The following PPP2R2C variants were observed in gnomAD, a reference collection of about 807,000 sequenced individuals.
PPP2R2C encodes the protein protein phosphatase 2 regulatory subunit Bgamma.
A neutral mutation model predicts 45.3 loss-of-function variants in PPP2R2C; 10 were observed. The ratio of observed to expected loss-of-function variants is 0.22; its 90% confidence interval spans 0.14 to 0.37. PPP2R2C has a LOEUF of 0.37. PPP2R2C is among the 10% of genes least tolerant of loss of function. The pLI is 1.00. For missense variants in PPP2R2C, 308 were observed against 619.7 expected (o/e 0.50, Z 5.34); for synonymous variants, 257 against 245.4 (o/e 1.05, Z -0.44).
chr4:6,468,824 A>G (rs933771379), intron 1 of PPP2R2C, among the ~76,000 whole-genome samples: 44 of 152,038 alleles, frequency 2.9e-4, no homozygotes, highest in African/African-American at 1.0e-3. Flanking sequence ...GAAAGAACAG[A>G]GCCAGGAAGA....
intron 1 of PPP2R2C, among the ~76,000 whole-genome samples, chr4:6,417,297 T>A (rs1243199999): frequency 6.6e-6 from 1 of 152,224 alleles, no homozygotes. Context: ...CCAGGCCCCA[T>A]CCACGGGATT....
intron 1 of PPP2R2C, among the ~76,000 whole-genome samples, chr4:6,536,132 A>G (rs1397953877): frequency 1.3e-5 from 2 of 152,052 alleles, no homozygotes; most frequent in Non-Finnish European, 2.9e-5. Context: ...GTAAATTATC[A>G]ACAGACACTG....
intron 1 of PPP2R2C, among the ~76,000 whole-genome samples, chr4:6,422,571 A>G (rs1719047941): frequency 6.6e-6 from 1 of 152,340 alleles, no homozygotes; most frequent in Non-Finnish European, 1.5e-5. Flanking sequence ...TCCAAGATCA[A>G]GGTGTCAGCA....
chr4:6,472,604 C>T lies in PPP2R2C; in HGVS notation c.-375G>A, dbSNP rs1034330525. ...TGCGCTGCGCCGACCAAGCCGGGGC[C>T]GAGCCGGGCTGCGCGGGCTGGGGCC... is the stretch of plus-strand genomic sequence containing the variant. On this transcript the variant is annotated 5_prime_UTR_variant, in exon 1 of 9. Coordinates refer to ENST00000382599, the MANE Select transcript of PPP2R2C (RefSeq NM_020416.4). 6.8e-6 allele frequency among the ~76,000 whole-genome samples: 1 copy of T among 146,408 alleles called. No homozygotes were observed. Among genetic ancestry groups the T allele is most frequent in the African/African-American group, 2.4e-5 (1 of 40,834 alleles).
chr4:6,446,512 C>T (rs147649136), intron 1 of PPP2R2C, among the ~76,000 whole-genome samples: 472 of 152,294 alleles, frequency 3.1e-3, no homozygotes, highest in African/African-American at 0.011. Flanking sequence ...AGATGAATAT[C>T]ACTCTTCTCA....
intron 1 of PPP2R2C, 162 bp from the exon 2 acceptor site, chr4:6,381,256 G>C: frequency 1.3e-6 from 2 of 1,534,110 alleles, no homozygotes; most frequent in Non-Finnish European, 1.7e-6. Flanking sequence ...ATCGGCGAGG[G>C]GCCACCAACC....
intron 1 of PPP2R2C, among the ~76,000 whole-genome samples, chr4:6,453,751 G>A (rs532331036): frequency 1.3e-5 from 2 of 152,320 alleles, no homozygotes; most frequent in East Asian, 3.9e-4. Context: ...ATTCAGCCCA[G>A]CTCACCTGTT....
rs529512926 is a variant in PPP2R2C at position 6,367,708 on chromosome 4, G to C, written c.625+4815C>G. 7.9e-5 allele frequency among the ~76,000 whole-genome samples: 12 copies of C among 152,292 alleles called. 1 individual carries two copies. The highest frequency in any genetic ancestry group is 2.6e-4 in the African/African-American group (11 of 41,556). Reference sequence around the variant, plus strand: ...CCTCACACTTTCTCTGCCAAGTAAGGCTTCTCTCTGTGGTGTGAGCCCTGG... The same window carrying C: ...CCTCACACTTTCTCTGCCAAGTAAGCCTTCTCTCTGTGGTGTGAGCCCTGG... On this transcript the variant is annotated intron_variant, in intron 5 of 8. Transcript: ENST00000382599.
At chr4:6,408,780 G>GTGGGTAGAGAGAATGGAGCC (rs1374106563) in intron 1 of PPP2R2C, among the ~76,000 whole-genome samples, 8 of 152,066 alleles carry the variant, frequency 5.3e-5, no homozygotes, top group African/African-American at 1.7e-4. Flanking sequence ...TGCAGAGGCA[G>GTGGGTAGAGAGAATGGAGCC]TGGGTAGAGA....
intron 2 of PPP2R2C, among the ~76,000 whole-genome samples, chr4:6,528,088 C>T (rs1336101237): frequency 1.3e-5 from 2 of 152,242 alleles, no homozygotes; most frequent in East Asian, 3.9e-4. Flanking sequence ...GAGTTCGGGG[C>T]CCTGTGTGAC....
intron 6 of PPP2R2C, among the ~76,000 whole-genome samples, chr4:6,333,972 C>T (rs377017460): frequency 3.3e-4 from 51 of 152,300 alleles, no homozygotes; most frequent in African/African-American, 1.2e-3. Context: ...TGGCTAAAAC[C>T]CATGCCTGGG....
In PPP2R2C at chr4:6,333,737, G is replaced by A; in HGVS notation, c.791-6C>T. 3 of 1,614,040 alleles carry A rather than the reference G, an allele frequency of 1.9e-6. No individual in the cohort carries two copies. Among genetic ancestry groups the A allele is most frequent in the South Asian group, 1.1e-5 (1 of 91,076 alleles). On this transcript the variant is annotated splice_region_variant and splice_polypyrimidine_tract_variant and intron_variant, in intron 6 of 8. Transcript: ENST00000382599. Reference sequence around the variant, plus strand: ...GTCCTCAGGCTCTTCAAAGACTGTGGAGACAGAGAAGCAATGGCCGTCACT... The same window carrying A: ...GTCCTCAGGCTCTTCAAAGACTGTGAAGACAGAGAAGCAATGGCCGTCACT...
chr4:6,356,201 T>C (rs1175943620), intron 5 of PPP2R2C, among the ~76,000 whole-genome samples: 1 of 152,108 alleles, frequency 6.6e-6, no homozygotes, highest in Admixed American at 6.5e-5. Flanking sequence ...CTAGGCAAAG[T>C]TGTTCTACTG....
At chr4:6,549,012 C>A (rs968044090) in intron 1 of PPP2R2C, among the ~76,000 whole-genome samples, 2 of 152,210 alleles carry the variant, frequency 1.3e-5, no homozygotes, top group Admixed American at 6.5e-5. Context: ...CCTTCACTGA[C>A]AGATCCCCCA....
intron 1 of PPP2R2C, among the ~76,000 whole-genome samples, chr4:6,410,877 ATT>A (rs992193187): frequency 5.4e-5 from 8 of 147,040 alleles, no homozygotes; most frequent in African/African-American, 1.9e-4. Context: ...TTATTTATTT[ATT>A]TATTTATTAG....
chr4:6,433,024 T>C (rs1719707378), intron 1 of PPP2R2C, among the ~76,000 whole-genome samples: 1 of 152,244 alleles, frequency 6.6e-6, no homozygotes, highest in Admixed American at 6.5e-5. Flanking sequence ...TGATGTTTTC[T>C]TTCCTCTAGC....
At chr4:6,394,879 C>T (rs1391234584) in intron 1 of PPP2R2C, among the ~76,000 whole-genome samples, 2 of 152,230 alleles carry the variant, frequency 1.3e-5, no homozygotes, top group Non-Finnish European at 2.9e-5. Context: ...CCATCAGCCC[C>T]CTTCCCAGGC....
chr4:6,386,614 T>C (rs1288002237), intron 1 of PPP2R2C, among the ~76,000 whole-genome samples: 2 of 152,160 alleles, frequency 1.3e-5, no homozygotes, highest in African/African-American at 2.4e-5. Context: ...ACAAAAATGC[T>C]CTTTGGGGAG....
intron 1 of PPP2R2C, among the ~76,000 whole-genome samples, chr4:6,433,612 TAGGCATACGGGTTCCAAATCCAG>T (rs1719740045): frequency 6.6e-6 from 1 of 152,190 alleles, no homozygotes; most frequent in African/African-American, 2.4e-5. Flanking sequence ...ATTGGGCCAA[TAGGCATACGGGTTCCAAATCCAG>T]ACCCTGGGTT....
Sources: gnomAD v4.1 joint callset for allele counts (sites outside exome capture counted in the v4.1 genomes callset) on GRCh38, gnomAD v4.1.1 for gene constraint, MANE v1.5 for transcripts, NCBI Gene and HGNC (gene_info 2026-07-23, HGNC 2026-07-21) for gene names.